The following BPTF variants were observed in gnomAD, a reference collection of about 807,000 sequenced individuals.
BPTF encodes bromodomain PHD finger transcription factor.
BPTF carries 18 observed loss-of-function variants against 292.5 expected under a neutral mutation model. That is an observed-to-expected ratio of 0.06 (90% CI 0.04 to 0.09). BPTF has a LOEUF of 0.09. Ranked by LOEUF, BPTF falls within the 10% of genes least tolerant of loss-of-function variation. BPTF has a pLI of 1.00. For missense variants in BPTF, 2,726 were observed against 3,498.7 expected (o/e 0.78, Z 5.57); for synonymous variants, 1,225 against 1,251.9 (o/e 0.98, Z 0.45).
In BPTF at chr17:67,912,850, G is replaced by A. The variant is rs773572080; in HGVS notation, c.4966G>A (p.Val1656Met). 26 of 1,614,016 alleles carry A rather than the reference G, an allele frequency of 1.6e-5. No individual in the cohort carries two copies. The highest frequency in any genetic ancestry group is 2.1e-5 in the Non-Finnish European group (25 of 1,180,016). Residue 1656 changes from valine to methionine, a missense_variant, in exon 11 of 28, where the codon GTG becomes ATG. Around this residue, in one of 22 missense-constraint regions of BPTF, gnomAD observed 144 missense variants for 177.2 expected, o/e 0.81. Transcript: ENST00000306378. Reference protein sequence around the residue: ...IISVKEQSKTVVTTTVTDSLT... With the variant: ...IISVKEQSKTMVTTTVTDSLT... ...CTCTGTAAAGGAGCAGAGCAAAACC[G>A]TGGTCACCACGACAGTGACAGACTC...
intron 1 of BPTF, among the ~76,000 whole-genome samples, chr17:67,842,133 T>C (rs1173842341): frequency 6.6e-6 from 1 of 152,192 alleles, no homozygotes. Context: ...TATATCTTTA[T>C]ACACTTTCAA....
chr17:67,943,381 T>G (rs1188021959), intron 19 of BPTF, among the ~76,000 whole-genome samples: 1 of 152,194 alleles, frequency 6.6e-6, no homozygotes. Flanking sequence ...TTTTTACTTT[T>G]GCTTTCCAGT....
chr17:67,883,239 C>T (rs1431929511), intron 4 of BPTF, among the ~76,000 whole-genome samples: 1 of 151,344 alleles, frequency 6.6e-6, no homozygotes, highest in Admixed American at 6.6e-5. Context: ...TCGCTTGAAC[C>T]CAGGAGGCAG....
chr17:67,879,807 C>G (rs112256587), intron 4 of BPTF, among the ~76,000 whole-genome samples: 1 of 152,090 alleles, frequency 6.6e-6, no homozygotes, highest in Non-Finnish European at 1.5e-5. Context: ...ACAGTCAGCT[C>G]TAGTGGGAAC....
intron 9 of BPTF, among the ~76,000 whole-genome samples, chr17:67,906,330 C>T (rs59916565): frequency 0.012 from 1,752 of 152,214 alleles, 27 homozygotes; most frequent in African/African-American, 0.039. Context: ...CTGCCCGCCT[C>T]GGCCTCCCAA....
intron 4 of BPTF, chr17:67,886,339 C>G: frequency 1.4e-6 from 2 of 1,474,720 alleles, no homozygotes; most frequent in Non-Finnish European, 1.8e-6. Context: ...TTCATCCATT[C>G]CTTTAAAGGG....
intron 27 of BPTF, among the ~76,000 whole-genome samples, chr17:67,976,333 T>C (rs1478569533): frequency 1.3e-5 from 2 of 152,004 alleles, no homozygotes; most frequent in African/African-American, 4.8e-5. Context: ...ATTAGCCAGG[T>C]GTGGTGACGC....
chr17:67,923,056 CTTTTTTT>C (rs1204420514), intron 14 of BPTF, 66 bp downstream of exon 14: 3 of 1,208,726 alleles, frequency 2.5e-6, no homozygotes, highest in South Asian at 1.6e-5. Context: ...CAATAAATTA[CTTTTTTT>C]TTTTTTTTTT....
chr17:67,881,978 G>A (rs922532914), intron 4 of BPTF, among the ~76,000 whole-genome samples: 4 of 148,622 alleles, frequency 2.7e-5, no homozygotes, highest in Non-Finnish European at 5.9e-5. Context: ...GGGATTACAG[G>A]CGCCCACAAC....
At chr17:67,941,417 C>T (rs1279084945) in intron 19 of BPTF, among the ~76,000 whole-genome samples, 2 of 152,182 alleles carry the variant, frequency 1.3e-5, no homozygotes, top group African/African-American at 4.8e-5. Flanking sequence ...TGCACCACTG[C>T]ATTCCAGCCT....
intron 15 of BPTF, among the ~76,000 whole-genome samples, chr17:67,926,788 A>T (rs1363454687): frequency 1.3e-5 from 2 of 151,768 alleles, no homozygotes; most frequent in Admixed American, 6.6e-5. Context: ...CTGAGGCTGG[A>T]GTGTAGTGGT....
chr17:67,901,083 T>G (rs1453441614), intron 7 of BPTF, among the ~76,000 whole-genome samples: 1 of 151,904 alleles, frequency 6.6e-6, no homozygotes, highest in Non-Finnish European at 1.5e-5. Context: ...AAAATAGATG[T>G]TAGTGAAAAA....
intron 2 of BPTF, among the ~76,000 whole-genome samples, chr17:67,858,043 C>T (rs1468656478): frequency 1.3e-5 from 2 of 151,980 alleles, no homozygotes; most frequent in Non-Finnish European, 1.5e-5. Context: ...ACCTCAGCCT[C>T]CCAAAGTGCT....
intron 9 of BPTF, among the ~76,000 whole-genome samples, chr17:67,905,830 C>T (rs2062147269): frequency 6.6e-6 from 1 of 151,326 alleles, no homozygotes; most frequent in Non-Finnish European, 1.5e-5. Context: ...AAAACACTGT[C>T]ACATAAATGA....
intron 21 of BPTF, among the ~76,000 whole-genome samples, 182 bp downstream of exon 21, chr17:67,946,507 G>A (rs1030599475): frequency 1.3e-5 from 2 of 152,168 alleles, no homozygotes; most frequent in East Asian, 1.9e-4. Flanking sequence ...GGAACACTTC[G>A]TTAGATACAT....
intron 1 of BPTF, among the ~76,000 whole-genome samples, chr17:67,836,492 T>C (rs1232091675): frequency 6.6e-6 from 1 of 152,236 alleles, no homozygotes; most frequent in Non-Finnish European, 1.5e-5. Flanking sequence ...TCTCTTGTCC[T>C]GTTCTAATTC....
At chr17:67,951,638 C>A (rs2066368457) in intron 23 of BPTF, 1 of 152,060 alleles carries the variant, frequency 6.6e-6, no homozygotes, top group Non-Finnish European at 1.5e-5. Context: ...TAAATCTAAC[C>A]CCCAAAGACA....
At chr17:67,933,206 CG>C (rs1422748306) in intron 18 of BPTF, among the ~76,000 whole-genome samples, 2 of 150,766 alleles carry the variant, frequency 1.3e-5, no homozygotes, top group African/African-American at 4.9e-5. Flanking sequence ...TGCAGTGAGC[CG>C]AGATTGTGCC....
rs759703286 is a variant in BPTF at position 67,893,510 on chromosome 17, T to C, written c.2196T>C (p.Asn732=). 1 of 1,614,130 alleles carries C rather than the reference T, an allele frequency of 6.2e-7. No homozygotes were observed. Among genetic ancestry groups the C allele is most frequent in the Non-Finnish European group, 8.5e-7 (1 of 1,180,008 alleles). Residue 732 remains asparagine (N), a synonymous_variant, in exon 6 of 28, where the codon AAT becomes AAC. Coordinates refer to ENST00000306378, the MANE Select transcript of BPTF (RefSeq NM_182641.4). ...YRVYHNQYST[N]SFALNKHQHR... ...TCTACCACAATCAATACTCCACCAA[T>C]TCATTTGCTTTGAATAAGCACCAGC...
Sources: gnomAD v4.1 joint callset for allele counts (sites outside exome capture counted in the v4.1 genomes callset) on GRCh38, gnomAD v4.1.1 for gene constraint, gnomAD v4.1.1 regional missense constraint, MANE v1.5 for transcripts, NCBI Gene and HGNC (gene_info 2026-07-23, HGNC 2026-07-21) for gene names.